Variants in TMEM255B observed in about 807,000 individuals in gnomAD.
TMEM255B encodes the protein family with sequence similarity 70, member B.
TMEM255B carries 35 observed loss-of-function variants against 34.5 expected under a neutral mutation model. That is an observed-to-expected ratio of 1.01 (90% CI 0.77 to 1.34). The LOEUF is 1.34. Among genes scored for constraint, TMEM255B ranks in the 40% most tolerant of loss-of-function variants. The probability of loss-of-function intolerance (pLI) is 0.00; values close to 1 mark genes in which losing one functional copy is unlikely to be tolerated. For synonymous variants in TMEM255B, 206 were observed against 201.2 expected (o/e 1.02, Z -0.20); for missense variants, 432 against 433.2 (o/e 1.00, Z 0.02).
intron 3 of TMEM255B, among the ~76,000 whole-genome samples, chr13:113,776,488 C>T (rs531466079): frequency 1.3e-5 from 2 of 152,230 alleles, no homozygotes; most frequent in Admixed American, 6.5e-5. Flanking sequence ...AGGCTGGAGC[C>T]GGATCCCCAC....
intron 3 of TMEM255B, among the ~76,000 whole-genome samples, chr13:113,794,831 T>C (rs1460013809): frequency 6.6e-6 from 1 of 152,270 alleles, no homozygotes; most frequent in Admixed American, 6.5e-5. Flanking sequence ...GTGCGTGTGA[T>C]GAGCACACAT....
intron 8 of TMEM255B, 81 bp downstream of exon 8, chr13:113,805,109 G>A (rs924358977): frequency 4.4e-5 from 61 of 1,393,938 alleles, no homozygotes; most frequent in Non-Finnish European, 5.6e-5. Context: ...GGGTCGGAGG[G>A]GATGAGGTCT....
At chr13:113,777,555 A>G (rs2050599768) in intron 3 of TMEM255B, among the ~76,000 whole-genome samples, 1 of 151,940 alleles carries the variant, frequency 6.6e-6, no homozygotes, top group South Asian at 2.1e-4. Context: ...CGCTGTGCTG[A>G]CTCTAGACTC....
At chr13:113,807,367 C>T (rs2051195357) in intron 8 of TMEM255B, among the ~76,000 whole-genome samples, 1 of 140,896 alleles carries the variant, frequency 7.1e-6, no homozygotes, top group African/African-American at 2.8e-5. Flanking sequence ...CACACGAGGG[C>T]TTACGGGATG....
At chr13:113,807,627 G>A (rs2051204838) in intron 8 of TMEM255B, among the ~76,000 whole-genome samples, 1 of 140,096 alleles carries the variant, frequency 7.1e-6, no homozygotes, top group Non-Finnish European at 1.5e-5. Flanking sequence ...GATGTGGGGG[G>A]TGGTCCTCCC....
Position 113,769,226 on chromosome 13 carries a change from G to A in TMEM255B, c.252+66G>A, listed in dbSNP as rs1220263940. The A allele has an allele frequency of 6.3e-7, 1 of 1,574,858 alleles. No individual in the cohort carries two copies. Among genetic ancestry groups the A allele is most frequent in the East Asian group, 2.2e-5 (1 of 44,656 alleles). ...ATCAGGGGATGGTACAGCTGCACTGGGGCTCTGAGAAGAGTCAGCCCTGCC... is the reference window on the plus strand; with the variant it reads ...ATCAGGGGATGGTACAGCTGCACTGAGGCTCTGAGAAGAGTCAGCCCTGCC... On this transcript the variant is annotated intron_variant, in intron 3 of 8. Transcript: ENST00000375353. The surrounding 1 kb of genome is among the most constrained non-coding windows in gnomAD (Gnocchi z 4.2).
intron 3 of TMEM255B, among the ~76,000 whole-genome samples, chr13:113,772,634 G>A (rs2050496571): frequency 6.6e-6 from 1 of 152,226 alleles, no homozygotes; most frequent in South Asian, 2.1e-4. Flanking sequence ...CGGACATCCA[G>A]TTGTCCAAGC....
chr13:113,759,276 C>T lies in TMEM255B; in HGVS notation c.7C>T (p.Pro3Ser). ...AGCCGGGTGGGGCCTCGGGATGCAGCCGCCGGTGCCCGGGCCCCTGGGCCT... is the reference window on the plus strand; with the variant it reads ...AGCCGGGTGGGGCCTCGGGATGCAGTCGCCGGTGCCCGGGCCCCTGGGCCT... MQPPVPGPLGLLD... is the reference protein window; with the variant it reads MQSPVPGPLGLLD... Residue 3 changes from proline to serine, a missense_variant, in exon 1 of 9, where the codon CCG becomes TCG. Transcript: ENST00000375353. 8.1e-7 allele frequency: 1 copy of T among 1,228,804 alleles called. No homozygotes were observed. The highest frequency in any genetic ancestry group is 1.0e-6 in the Non-Finnish European group (1 of 986,050). The allele number at this position is 1,228,804 out of a possible 1,614,324, so 76.1% of individuals were successfully genotyped here.
chr13:113,800,037 A>G (rs1358799289), intron 5 of TMEM255B: 3 of 1,210,880 alleles, frequency 2.5e-6, no homozygotes, highest in South Asian at 2.9e-5. Flanking sequence ...CTTGTCTGGG[A>G]CTCTCCAGCA....
At position 113,786,509 on chromosome 13, in the gene TMEM255B, ATCATCACCATTGTCACCACTG is replaced by A. The variant is rs1257642159; in HGVS notation, c.253-8620_253-8600del. 2.9e-3 allele frequency among the ~76,000 whole-genome samples: 378 copies of A among 130,494 alleles called. 1 individual carries two copies. The highest frequency in any genetic ancestry group is 4.6e-3 in the Non-Finnish European group (266 of 57,638). 85.6% of individuals were successfully genotyped at this position (130,494 alleles called of 152,430 possible). ...TGTTGTCACCATCATCACCATCACC[ATCATCACCATTGTCACCACTG>A]TCATCACCATTGTCACCATCGTCAA... is the stretch of plus-strand genomic sequence containing the variant. On this transcript the variant is annotated intron_variant, in intron 3 of 8. Coordinates refer to ENST00000375353, the MANE Select transcript of TMEM255B (RefSeq NM_182614.4).
intron 8 of TMEM255B, among the ~76,000 whole-genome samples, chr13:113,809,690 C>T (rs999536286): frequency 2.6e-5 from 4 of 151,036 alleles, no homozygotes; most frequent in Non-Finnish European, 4.4e-5. Context: ...GGGTTTACTC[C>T]GTGGTTCCTG....
chr13:113,760,567 A>T (rs568965528), intron 1 of TMEM255B, among the ~76,000 whole-genome samples: 1 of 148,494 alleles, frequency 6.7e-6, no homozygotes, highest in African/African-American at 2.5e-5. Flanking sequence ...TGTATAAAGC[A>T]TTGGTGTGTC....
rs1173664950 is a variant in TMEM255B at position 113,806,914 on chromosome 13, G to C, written c.813+1886G>C. Among the ~76,000 whole-genome samples, 1 of 152,182 alleles carries C rather than the reference G, an allele frequency of 6.6e-6. No individual in the cohort carries two copies. The highest frequency in any genetic ancestry group is 1.5e-5 in the Non-Finnish European group (1 of 68,012). On this transcript the variant is annotated intron_variant, in intron 8 of 8. Transcript: ENST00000375353. This position sits in a 1 kb window ranked among gnomAD's most constrained non-coding sequence, Gnocchi z 4.2. ...AGCGGCTCTACACAGACACAGACTTGGAATCGCATGGGTGCCAAGAACGTG... is the reference window on the plus strand; with the variant it reads ...AGCGGCTCTACACAGACACAGACTTCGAATCGCATGGGTGCCAAGAACGTG...
chr13:113,793,666 G>A (rs1283144347), intron 3 of TMEM255B, among the ~76,000 whole-genome samples: 1 of 152,260 alleles, frequency 6.6e-6, no homozygotes, highest in Admixed American at 6.5e-5. Flanking sequence ...GGGCTCACCA[G>A]GAAGCCCCCA....
In TMEM255B at chr13:113,804,975, C is replaced by A. The variant is rs200284298; in HGVS notation, c.760C>A (p.Arg254Ser). ...GCAGATCCTGGCCTACGCAGGCTTCCGCCTGACGCCCGAGCCCGTCCCGAC... is the reference window on the plus strand; with the variant it reads ...GCAGATCCTGGCCTACGCAGGCTTCAGCCTGACGCCCGAGCCCGTCCCGAC... ...AQQILAYAGF[R>S]LTPEPVPTCS... The change falls in exon 8 of 9, where the codon CGC becomes AGC. Residue 254 changes from arginine (R) to serine (S), a missense_variant. Coordinates refer to ENST00000375353, the MANE Select transcript of TMEM255B (RefSeq NM_182614.4). 610 of 1,606,716 alleles carry A rather than the reference C, an allele frequency of 3.8e-4. 4 individuals carry two copies. The East Asian group carries it at 8.7e-3, about 23-fold the overall frequency.
intron 3 of TMEM255B, among the ~76,000 whole-genome samples, chr13:113,789,271 A>G (rs1425996877): frequency 6.6e-6 from 1 of 151,496 alleles, no homozygotes; most frequent in African/African-American, 2.4e-5. Flanking sequence ...ACAGAATGCA[A>G]TGAGATCTTC....
In TMEM255B at chr13:113,759,288, G is replaced by C. The variant is rs2050252281; in HGVS notation, c.19G>C (p.Gly7Arg). 1.1e-5 allele frequency: 13 copies of C among 1,228,932 alleles called. No homozygotes were observed. The highest frequency in any genetic ancestry group is 1.3e-5 in the Non-Finnish European group (13 of 986,210). The allele number at this position is 1,228,932 out of a possible 1,614,324, so 76.1% of individuals were successfully genotyped here. MQPPVP[G>R]PLGLLDPAEG... The stretch of plus-strand genomic sequence containing the variant: ...CCTCGGGATGCAGCCGCCGGTGCCC[G>C]GGCCCCTGGGCCTGCTGGACCCCGC... The change falls in exon 1 of 9, where the codon GGG (glycine) becomes CGG (arginine). Residue 7 changes from glycine (G) to arginine (R), a missense_variant. Coordinates refer to ENST00000375353, the MANE Select transcript of TMEM255B (RefSeq NM_182614.4).
chr13:113,804,786 G>T (rs1417392690), intron 7 of TMEM255B, 99 bp from the exon 8 acceptor site: 1 of 1,119,436 alleles, frequency 8.9e-7, no homozygotes, highest in Non-Finnish European at 1.2e-6. Context: ...TCCAGCCTGA[G>T]AGTCGGGGGT....
intron 1 of TMEM255B, chr13:113,761,241 T>A: frequency 1.0e-6 from 1 of 985,326 alleles, no homozygotes; most frequent in Non-Finnish European, 1.2e-6. Context: ...TTCCAAGCAG[T>A]GCCACCTCCC....
Sources: gnomAD v4.1 joint callset for allele counts (sites outside exome capture counted in the v4.1 genomes callset) on GRCh38, gnomAD v4.1.1 for gene constraint, Gnocchi (gnomAD v3.1) non-coding constraint, MANE v1.5 for transcripts, NCBI Gene and HGNC (gene_info 2026-07-23, HGNC 2026-07-21) for gene names.